Variants in TRAF5 observed in about 807,000 individuals in gnomAD.
TRAF5 encodes the protein TNF receptor-associated factor 5.
A neutral mutation model predicts 64.5 loss-of-function variants in TRAF5; 48 were observed. That is an observed-to-expected ratio of 0.74 (90% CI 0.59 to 0.95). The LOEUF is 0.95. Among genes scored for constraint, TRAF5 ranks in the 40% least tolerant of loss-of-function variants. The probability of loss-of-function intolerance (pLI) is 0.00; values close to 1 mark genes in which losing one functional copy is unlikely to be tolerated. For synonymous variants in TRAF5, 206 were observed against 240.5 expected (o/e 0.86, Z 1.33); for missense variants, 545 against 662.8 (o/e 0.82, Z 1.95).
At chr1:211,351,534 A>C (rs1179308544) in intron 1 of TRAF5, among the ~76,000 whole-genome samples, 1 of 152,058 alleles carries the variant, frequency 6.6e-6, no homozygotes, top group Non-Finnish European at 1.5e-5. Context: ...GCAAGGAGTC[A>C]TTGCCAAACT....
chr1:211,353,093 T>G (rs1572073868), intron 1 of TRAF5, 146 bp from the exon 2 acceptor site: 6 of 805,056 alleles, frequency 7.5e-6, no homozygotes, highest in East Asian at 2.6e-5. Context: ...TGGCAGGAGG[T>G]TGTCACTGTT....
chr1:211,369,422 CTT>C, intron 8 of TRAF5, 28 bp from the exon 9 acceptor site: 1 of 1,559,462 alleles, frequency 6.4e-7, no homozygotes, highest in Non-Finnish European at 8.6e-7. Flanking sequence ...TATTCAGTGA[CTT>C]TATTTTTCCT....
chr1:211,342,998 A>G (rs1162385829), intron 1 of TRAF5, among the ~76,000 whole-genome samples: 2 of 152,202 alleles, frequency 1.3e-5, no homozygotes, highest in African/African-American at 2.4e-5. Flanking sequence ...TCTTTTGAAT[A>G]TATACCTAGC....
intron 8 of TRAF5, among the ~76,000 whole-genome samples, chr1:211,366,431 GA>G (rs1703353257): frequency 6.6e-6 from 1 of 152,188 alleles, no homozygotes; most frequent in Non-Finnish European, 1.5e-5. Context: ...TGCTGCTAGG[GA>G]CACTGAGCCA....
intron 1 of TRAF5, among the ~76,000 whole-genome samples, chr1:211,328,955 G>C (rs1702090114): frequency 1.3e-5 from 2 of 152,150 alleles, no homozygotes; most frequent in Non-Finnish European, 2.9e-5. Flanking sequence ...TCAGAGCATT[G>C]AGGTGTCTTG....
At position 211,356,409 on chromosome 1, in the gene TRAF5, T is replaced by A; in HGVS notation, c.319T>A (p.Tyr107Asn). 1 of 1,614,192 alleles carries A rather than the reference T, an allele frequency of 6.2e-7. No homozygotes were observed. Among genetic ancestry groups the A allele is most frequent in the Non-Finnish European group, 8.5e-7 (1 of 1,179,998 alleles). ...NCCKREVLNL[Y>N]VYCSNAPGCN... ...TTGCAAAAGAGAAGTCCTCAACTTATATGTATATTGCAGCAATGCTCCTGG... is the reference window on the plus strand; with the variant it reads ...TTGCAAAAGAGAAGTCCTCAACTTAAATGTATATTGCAGCAATGCTCCTGG... Residue 107 changes from tyrosine (Y) to asparagine (N), a missense_variant, in exon 4 of 11, where the codon TAT becomes AAT. Tyr to Asn is a moderately radical substitution (Grantham distance 143). Transcript: ENST00000261464.
intron 10 of TRAF5, 64 bp downstream of exon 10, chr1:211,371,534 C>G: frequency 4.7e-6 from 7 of 1,499,830 alleles, no homozygotes; most frequent in Non-Finnish European, 5.4e-6. Flanking sequence ...ATGAAACAAC[C>G]AAACACCTGG....
chr1:211,355,921 G>A (rs908823314), intron 3 of TRAF5, among the ~76,000 whole-genome samples: 4 of 152,180 alleles, frequency 2.6e-5, no homozygotes, highest in Non-Finnish European at 4.4e-5. Context: ...AGAGATGATC[G>A]TGATGTGGAC....
chr1:211,340,758 A>G (rs1018372574), intron 1 of TRAF5, among the ~76,000 whole-genome samples: 1 of 152,222 alleles, frequency 6.6e-6, no homozygotes, highest in Admixed American at 6.5e-5. Flanking sequence ...GCTTAATGCA[A>G]CGTGTCCTTT....
At chr1:211,357,821 A>G (rs1199680369) in intron 4 of TRAF5, 1 of 152,206 alleles carries the variant, frequency 6.6e-6, no homozygotes, top group African/African-American at 2.4e-5. Flanking sequence ...AGGGATCAGC[A>G]AACTCTCTTA....
rs571237977 is a variant in TRAF5 at position 211,371,581 on chromosome 1, G to A, written c.1099+111G>A. Reference sequence around the variant, plus strand: ...GTCACATCTGTCCAGGATAAACAATGGCTGAATCTGCTATTTGTGAAAGAG... The same window carrying A: ...GTCACATCTGTCCAGGATAAACAATAGCTGAATCTGCTATTTGTGAAAGAG... On this transcript the variant is annotated intron_variant, in intron 10 of 10. Coordinates refer to ENST00000261464, the MANE Select transcript of TRAF5 (RefSeq NM_001033910.3). 278 of 1,086,838 alleles carry A rather than the reference G, an allele frequency of 2.6e-4. 1 individual carries two copies. In the South Asian group the frequency reaches 3.2e-3, roughly 12 times the overall value. The allele number at this position is 1,086,838 out of a possible 1,614,324, so 67.3% of individuals were successfully genotyped here. A position where few individuals can be genotyped will look rare whatever the true frequency, so the allele number is the denominator to read the frequency against.
chr1:211,327,474 G>A (rs1020465996), intron 1 of TRAF5, among the ~76,000 whole-genome samples: 2 of 152,174 alleles, frequency 1.3e-5, no homozygotes, highest in African/African-American at 4.8e-5. Context: ...CCCCCAGAAG[G>A]CGAGCTCTAA....
At chr1:211,347,862 C>G (rs1702660583) in intron 1 of TRAF5, among the ~76,000 whole-genome samples, 1 of 152,222 alleles carries the variant, frequency 6.6e-6, no homozygotes, top group Non-Finnish European at 1.5e-5. Context: ...GTGTGCATCT[C>G]TTTCCCAGTT....
chr1:211,327,690 C>T (rs1393496877), intron 1 of TRAF5, among the ~76,000 whole-genome samples: 1 of 152,226 alleles, frequency 6.6e-6, no homozygotes, highest in Non-Finnish European at 1.5e-5. Flanking sequence ...TTTCTCTGCT[C>T]ATTCGGCCTC....
intron 8 of TRAF5, among the ~76,000 whole-genome samples, chr1:211,367,366 T>G (rs911660407): frequency 9.2e-5 from 14 of 152,222 alleles, no homozygotes; most frequent in Admixed American, 9.2e-4. Flanking sequence ...CCATATGAGT[T>G]TGGACAAACT....
chr1:211,356,522 G>T, intron 4 of TRAF5, 54 bp downstream of exon 4: 2 of 1,478,848 alleles, frequency 1.4e-6, no homozygotes, highest in Non-Finnish European at 1.9e-6. Context: ...AGGAATGTGT[G>T]TTGAACCCCT....
intron 8 of TRAF5, 21 bp downstream of exon 8, chr1:211,365,489 A>G (rs1239137632): frequency 6.3e-7 from 1 of 1,591,728 alleles, no homozygotes; most frequent in Non-Finnish European, 8.6e-7. Context: ...AAAGGTTCAA[A>G]TAAAAAGTGA....
At chr1:211,340,409 C>G (rs538523790) in intron 1 of TRAF5, among the ~76,000 whole-genome samples, 12 of 152,148 alleles carry the variant, frequency 7.9e-5, no homozygotes, top group Admixed American at 5.2e-4. Flanking sequence ...CTCAGCCTCC[C>G]GAGTAGCTGG....
intron 7 of TRAF5, among the ~76,000 whole-genome samples, chr1:211,361,843 C>T (rs1048732822): frequency 2.6e-5 from 4 of 151,826 alleles, no homozygotes; most frequent in South Asian, 2.1e-4. Context: ...ATTTCAGGCA[C>T]CCGCCATCAT....
Sources: allele counts gnomAD v4.1 joint callset (sites outside exome capture counted in the v4.1 genomes callset), GRCh38; gene constraint gnomAD v4.1.1; transcripts MANE v1.5; gene names NCBI Gene and HGNC (gene_info 2026-07-23, HGNC 2026-07-21).